The following ALK variants were observed in gnomAD, a reference collection of about 807,000 sequenced individuals.
ALK encodes ALK tyrosine kinase receptor.
Under a neutral mutation model 163.1 loss-of-function variants are expected in ALK, and 74 were observed. The ratio of observed to expected loss-of-function variants is 0.45; its 90% CI spans 0.38 to 0.55. The LOEUF is 0.55. Ranked by LOEUF, ALK falls within the 20% of genes least tolerant of loss-of-function variation. The pLI, the probability that ALK is intolerant of heterozygous loss-of-function variation, is 0.00. For missense variants in ALK, 2,063 were observed against 2,105.3 expected, an observed-to-expected ratio of 0.98 and a Z score of 0.39; for synonymous variants, 960 against 843.2, an observed-to-expected ratio of 1.14 and a Z score of -2.40.
At chr2:29,212,234 G>A (rs953776729) in intron 24 of ALK, among the ~76,000 whole-genome samples, 6 of 152,236 alleles carry the variant, frequency 3.9e-5, no homozygotes, top group African/African-American at 1.2e-4. Flanking sequence ...ATGGAAAGAT[G>A]ACTCTAACCA....
chr2:29,223,138 G>T (rs961144942), intron 20 of ALK, among the ~76,000 whole-genome samples: 4 of 152,156 alleles, frequency 2.6e-5, no homozygotes, highest in African/African-American at 4.8e-5. Flanking sequence ...TCCTCTCATT[G>T]TATAAACTCC....
intron 3 of ALK, among the ~76,000 whole-genome samples, chr2:29,625,153 T>G (rs561465036): frequency 6.6e-6 from 1 of 152,208 alleles, no homozygotes; most frequent in Non-Finnish European, 1.5e-5. Context: ...CATTATGTTC[T>G]AGGTGCTGTG....
At chr2:29,348,275 G>A (rs1328925202) in intron 5 of ALK, among the ~76,000 whole-genome samples, 1 of 152,176 alleles carries the variant, frequency 6.6e-6, no homozygotes, top group African/African-American at 2.4e-5. Flanking sequence ...GTCCATCTGG[G>A]TCTGCTTATG....
At chr2:29,646,521 G>T (rs541267247) in intron 3 of ALK, among the ~76,000 whole-genome samples, 1 of 152,220 alleles carries the variant, frequency 6.6e-6, no homozygotes, top group Non-Finnish European at 1.5e-5. Flanking sequence ...ATAAGCCAAA[G>T]TCCTTATGAT....
At chr2:29,562,794 C>A in intron 3 of ALK, among the ~76,000 whole-genome samples, 1 of 152,214 alleles carries the variant, frequency 6.6e-6, no homozygotes. Context: ...TAAGTATTAG[C>A]CTTCTGTCAA....
Position 29,920,941 on chromosome 2 carries a change from G to T in ALK, c.-282C>A, listed in dbSNP as rs1026103972. The T allele has an allele frequency of 4.0e-6, 2 of 503,958 alleles. No individual in the cohort carries two copies. The highest frequency in any genetic ancestry group is 6.7e-5 in the East Asian group (2 of 29,830). The allele number at this position is 503,958 out of a possible 1,614,324, so 31.2% of individuals were successfully genotyped here. ...CCTTGAGCCTCCCGCTCTCCGCGCC[G>T]AGTGCCGCGCCCCCGTCTGTAGCTC... On this transcript the variant is annotated 5_prime_UTR_variant, in exon 1 of 29. Coordinates refer to ENST00000389048, the MANE Select transcript of ALK (RefSeq NM_004304.5).
At chr2:29,877,154 A>C (rs1666744530) in intron 1 of ALK, among the ~76,000 whole-genome samples, 1 of 152,258 alleles carries the variant, frequency 6.6e-6, no homozygotes, top group Non-Finnish European at 1.5e-5. Context: ...TCAAAAATAA[A>C]CATAAATATA....
intron 1 of ALK, among the ~76,000 whole-genome samples, chr2:29,843,562 T>C (rs1572428557): frequency 2.0e-5 from 3 of 152,114 alleles, no homozygotes; most frequent in African/African-American, 7.2e-5. Flanking sequence ...AGCCTGAGGG[T>C]GGGCAGAGTG....
intron 4 of ALK, among the ~76,000 whole-genome samples, chr2:29,456,407 A>G (rs1157894037): frequency 6.6e-6 from 1 of 152,204 alleles, no homozygotes; most frequent in Non-Finnish European, 1.5e-5. Context: ...AATTTGACAC[A>G]CACTCCGAGA....
intron 4 of ALK, among the ~76,000 whole-genome samples, chr2:29,456,205 A>T (rs1286686763): frequency 6.6e-6 from 1 of 152,166 alleles, no homozygotes; most frequent in Non-Finnish European, 1.5e-5. Context: ...TGCTCCAGCA[A>T]TTCTACTCCT....
intron 1 of ALK, among the ~76,000 whole-genome samples, chr2:29,737,550 GGCTATGGGCAGCAGTGACT>G (rs143480891): frequency 0.016 from 2,446 of 152,158 alleles, 82 homozygotes; most frequent in African/African-American, 0.057. Context: ...AAAATCTCTT[GGCTATGGGCAGCAGTGACT>G]GCTCTGGGCT....
chr2:29,485,039 G>A (rs1461660332), intron 4 of ALK, among the ~76,000 whole-genome samples: 1 of 152,028 alleles, frequency 6.6e-6, no homozygotes, highest in African/African-American at 2.4e-5. Flanking sequence ...CTGCTGCCTA[G>A]TTGGAGTGAA....
chr2:29,738,969 G>A (rs1679971313), intron 1 of ALK, among the ~76,000 whole-genome samples: 1 of 152,042 alleles, frequency 6.6e-6, no homozygotes, highest in Non-Finnish European at 1.5e-5. Context: ...AGGCACAGTG[G>A]CTCATGCCTG....
chr2:29,698,299 A>C (rs1158062920), intron 2 of ALK, among the ~76,000 whole-genome samples: 3 of 152,198 alleles, frequency 2.0e-5, no homozygotes, highest in Non-Finnish European at 4.4e-5. Context: ...TTGCAACACC[A>C]AAGTGACATA....
intron 4 of ALK, among the ~76,000 whole-genome samples, chr2:29,456,856 TTC>T (rs754214808): frequency 6.6e-6 from 1 of 152,164 alleles, no homozygotes; most frequent in Non-Finnish European, 1.5e-5. Context: ...GTGTACTGGT[TTC>T]TTTCTTTACA....
At chr2:29,266,676 C>T (rs924647970) in intron 11 of ALK, among the ~76,000 whole-genome samples, 1 of 152,170 alleles carries the variant, frequency 6.6e-6, no homozygotes, top group Non-Finnish European at 1.5e-5. Context: ...CTTTGACTCT[C>T]CTGAAGTTGC....
At chr2:29,743,379 A>G (rs183099188) in intron 1 of ALK, among the ~76,000 whole-genome samples, 25 of 152,304 alleles carry the variant, frequency 1.6e-4, no homozygotes, top group African/African-American at 6.0e-4. Flanking sequence ...CTCCCATACC[A>G]CAGTCAGTTA....
chr2:29,545,286 A>C (rs1673524935), intron 3 of ALK, among the ~76,000 whole-genome samples: 1 of 152,142 alleles, frequency 6.6e-6, no homozygotes, highest in Non-Finnish European at 1.5e-5. Context: ...TCCTTTGTTC[A>C]TGTGGTCTTA....
At chr2:29,854,630 A>C (rs367848353) in intron 1 of ALK, among the ~76,000 whole-genome samples, 6 of 152,306 alleles carry the variant, frequency 3.9e-5, no homozygotes, top group Admixed American at 6.5e-5. Flanking sequence ...AAATGCACTA[A>C]TGTAGTTCAT....
Sources: gnomAD v4.1 joint callset for allele counts (sites outside exome capture counted in the v4.1 genomes callset) on GRCh38, gnomAD v4.1.1 for gene constraint, MANE v1.5 for transcripts, NCBI Gene and HGNC (gene_info 2026-07-23, HGNC 2026-07-21) for gene names.